MED13L: variants seen among roughly 807,000 people sequenced by gnomAD.
MED13L encodes the protein mediator of RNA polymerase II transcription subunit 13-like.
A neutral mutation model predicts 220.9 loss-of-function variants in MED13L; 7 were observed. That is an observed-to-expected ratio of 0.03 (90% confidence interval 0.02 to 0.06). The LOEUF (loss-of-function observed/expected upper bound fraction) is 0.06. Ranked by LOEUF, MED13L falls within the 10% of genes least tolerant of loss-of-function variation. The probability of loss-of-function intolerance (pLI) is 1.00; values close to 1 mark genes in which losing one functional copy is unlikely to be tolerated. For missense variants in MED13L, 1,965 were observed against 2,760.5 expected (o/e 0.71, Z 6.46); for synonymous variants, 1,011 against 1,015.2 (o/e 1.00, Z 0.08).
chr12:116,003,857 C>T (rs1427384924), intron 13 of MED13L, among the ~76,000 whole-genome samples: 1 of 152,122 alleles, frequency 6.6e-6, no homozygotes, highest in East Asian at 1.9e-4. Context: ...CCTCCCAACT[C>T]CATTTACGAG....
At chr12:116,085,442 C>T (rs1261643256) in intron 4 of MED13L, among the ~76,000 whole-genome samples, 1 of 151,974 alleles carries the variant, frequency 6.6e-6, no homozygotes, top group African/African-American at 2.4e-5. Flanking sequence ...GGTGAAGAGA[C>T]TATTTCTATT....
intron 4 of MED13L, among the ~76,000 whole-genome samples, chr12:116,050,894 A>G (rs1004393779): frequency 5.3e-5 from 8 of 152,132 alleles, no homozygotes; most frequent in African/African-American, 1.9e-4. Flanking sequence ...AGCCGAGATC[A>G]TGCACGCCAG....
At chr12:116,144,319 C>T (rs529192298) in intron 2 of MED13L, among the ~76,000 whole-genome samples, 1 of 152,142 alleles carries the variant, frequency 6.6e-6, no homozygotes, top group African/African-American at 2.4e-5. Flanking sequence ...AAATTTCCCC[C>T]ATCTCTTGTC....
intron 1 of MED13L, among the ~76,000 whole-genome samples, chr12:116,252,773 A>G (rs1871670604): frequency 6.6e-6 from 1 of 152,130 alleles, no homozygotes; most frequent in African/African-American, 2.4e-5. Context: ...ACTAATCAAG[A>G]GGGAAAGAAC....
At chr12:116,224,057 G>A (rs953873145) in intron 2 of MED13L, among the ~76,000 whole-genome samples, 9 of 152,164 alleles carry the variant, frequency 5.9e-5, no homozygotes, top group Non-Finnish European at 7.4e-5. Flanking sequence ...CAGGCATTAC[G>A]ATGGTCCTGG....
In MED13L at chr12:116,037,111, G is replaced by A. The variant is rs553116135; in HGVS notation, c.480-14510C>T. 2.6e-5 allele frequency among the ~76,000 whole-genome samples: 4 copies of A among 152,190 alleles called. No homozygotes were observed. The South Asian group carries it at 6.2e-4, about 24-fold the overall frequency. ...CAGTTCTATGAATAATCACCCTCCT[G>A]AGAAAAAGTTACCAAGTACATTATT... On this transcript the variant is annotated intron_variant, in intron 4 of 30. Transcript: ENST00000281928.
At chr12:116,155,770 T>G (rs1421215777) in intron 2 of MED13L, among the ~76,000 whole-genome samples, 1 of 152,176 alleles carries the variant, frequency 6.6e-6, no homozygotes, top group Admixed American at 6.5e-5. Flanking sequence ...AACTATTCTT[T>G]GCTGTTGTTA....
intron 25 of MED13L, chr12:115,972,596 A>G: frequency 6.0e-6 from 2 of 330,694 alleles, no homozygotes; most frequent in South Asian, 5.3e-5. Flanking sequence ...TCAAGGTCCG[A>G]TTCTTTCAGT....
chr12:116,069,048 G>A (rs1870174547), intron 4 of MED13L, among the ~76,000 whole-genome samples: 2 of 152,246 alleles, frequency 1.3e-5, no homozygotes, highest in African/African-American at 4.8e-5. Context: ...ATGCCCCAAG[G>A]AACGCAGAGC....
intron 3 of MED13L, among the ~76,000 whole-genome samples, chr12:116,099,363 A>G (rs1316376153): frequency 1.3e-5 from 2 of 152,240 alleles, no homozygotes; most frequent in African/African-American, 4.8e-5. Flanking sequence ...CATTGAAGGT[A>G]TATCTTAAAA....
At chr12:116,270,657 T>A (rs919675131) in intron 1 of MED13L, among the ~76,000 whole-genome samples, 3 of 152,108 alleles carry the variant, frequency 2.0e-5, no homozygotes, top group Non-Finnish European at 4.4e-5. Flanking sequence ...TGAAATATCA[T>A]CTCCCCTATG....
At chr12:116,240,564 G>T (rs1397362209) in intron 1 of MED13L, among the ~76,000 whole-genome samples, 5 of 147,458 alleles carry the variant, frequency 3.4e-5, no homozygotes, top group Non-Finnish European at 7.4e-5. Flanking sequence ...ACGGAGTCTC[G>T]CCCTGTCACC....
intron 2 of MED13L, chr12:116,181,331 A>G (rs1204968821): frequency 6.6e-6 from 1 of 152,166 alleles, no homozygotes; most frequent in Non-Finnish European, 1.5e-5. Flanking sequence ...TTTACAAAAG[A>G]AACAATTATC....
chr12:116,046,816 AC>A (rs1225022245), intron 4 of MED13L, among the ~76,000 whole-genome samples: 1 of 152,160 alleles, frequency 6.6e-6, no homozygotes, highest in Non-Finnish European at 1.5e-5. Context: ...TACTAAAAAT[AC>A]AAAAAATTAG....
intron 1 of MED13L, among the ~76,000 whole-genome samples, chr12:116,272,902 G>A (rs537517786): frequency 6.6e-6 from 1 of 152,238 alleles, no homozygotes; most frequent in South Asian, 2.1e-4. Context: ...ACTATTACCG[G>A]GTGGCAATTA....
chr12:116,016,342 G>A (rs534592431), intron 7 of MED13L, among the ~76,000 whole-genome samples: 1 of 152,152 alleles, frequency 6.6e-6, no homozygotes, highest in African/African-American at 2.4e-5. Context: ...AGGAAATGAA[G>A]CGCTCTTCTT....
chr12:116,168,232 T>G (rs1292479431), intron 2 of MED13L, among the ~76,000 whole-genome samples: 1 of 151,442 alleles, frequency 6.6e-6, no homozygotes, highest in African/African-American at 2.4e-5. Flanking sequence ...AGAATTAAAT[T>G]AATAATGAGA....
chr12:116,016,869 T>C (rs551114040), intron 7 of MED13L, among the ~76,000 whole-genome samples: 1 of 152,326 alleles, frequency 6.6e-6, no homozygotes, highest in African/African-American at 2.4e-5. Context: ...TCACTAATAC[T>C]ATTCGGCCCT....
intron 20 of MED13L, 151 bp downstream of exon 20, chr12:115,984,029 T>A: frequency 1.1e-6 from 1 of 938,764 alleles, no homozygotes; most frequent in Non-Finnish European, 1.6e-6. Context: ...GAAATTAGCA[T>A]TAAACTGCCC....
Sources: allele counts gnomAD v4.1 joint callset (sites outside exome capture counted in the v4.1 genomes callset), GRCh38; gene constraint gnomAD v4.1.1; transcripts MANE v1.5; gene names NCBI Gene and HGNC (gene_info 2026-07-23, HGNC 2026-07-21).